Variants in ANO3 observed in about 807,000 individuals in gnomAD.
ANO3 encodes the protein anoctamin 3, also known as anoctamin-3.
In ANO3, 99 loss-of-function variants were observed where a neutral mutation model predicts 144.8. The observed-to-expected ratio is 0.68, with a 90% CI of 0.58 to 0.81. ANO3 has a LOEUF of 0.81. Ranked by LOEUF, ANO3 falls within the 30% of genes least tolerant of loss-of-function variation. The probability of loss-of-function intolerance (pLI) is 0.00; values close to 1 mark genes in which losing one functional copy is unlikely to be tolerated. For synonymous variants in ANO3, 414 were observed against 392.6 expected (o/e 1.05, Z -0.64); for missense variants, 905 against 1,202.2 (o/e 0.75, Z 3.66).
chr11:26,365,493 C>A lies in ANO3; in HGVS notation c.46+33172C>A, dbSNP rs193108324. 4.6e-5 allele frequency among the ~76,000 whole-genome samples: 7 copies of A among 152,366 alleles called. No homozygotes were observed. In the East Asian group the frequency reaches 1.4e-3, roughly 29 times the overall value. Reference sequence around the variant, plus strand: ...CTCTGTGAGGGCTCCACCCCTGCAGCAGGCTTCTGCCTGGATATCCATCCT... The same window carrying A: ...CTCTGTGAGGGCTCCACCCCTGCAGAAGGCTTCTGCCTGGATATCCATCCT... On this transcript the variant is annotated intron_variant, in intron 1 of 26. Coordinates refer to ENST00000256737, the MANE Select transcript of ANO3 (RefSeq NM_031418.4).
chr11:26,497,474 G>A (rs1861010068), intron 4 of ANO3, among the ~76,000 whole-genome samples: 1 of 152,044 alleles, frequency 6.6e-6, no homozygotes, highest in Admixed American at 6.6e-5. Flanking sequence ...ACCACAATGA[G>A]ATACTATCTT....
rs188106664 is a variant in ANO3 at position 26,316,717 on chromosome 11, G to A, written c.-3+6998G>A. ...TGAACAGGTGCCCCCTCATGTGTCC[G>A]TTTATAGACTCTCCACAAGGGTCGC... On this transcript the variant is annotated intron_variant, in intron 1 of 26. Transcript: ENST00000525139. 1.3e-4 allele frequency among the ~76,000 whole-genome samples: 20 copies of A among 152,206 alleles called. No homozygotes were observed. In the Middle Eastern group the frequency reaches 0.01, roughly 78 times the overall value.
At chr11:26,447,307 A>C (rs1276494768) in intron 3 of ANO3, among the ~76,000 whole-genome samples, 1 of 151,634 alleles carries the variant, frequency 6.6e-6, no homozygotes, top group African/African-American at 2.4e-5. Context: ...ATTATTATAC[A>C]CTTTACCTGT....
intron 5 of ANO3, among the ~76,000 whole-genome samples, chr11:26,512,216 T>C (rs1861691686): frequency 6.6e-6 from 1 of 152,220 alleles, no homozygotes; most frequent in Non-Finnish European, 1.5e-5. Flanking sequence ...TTCCACCCTG[T>C]GCTAACAATT....
intron 5 of ANO3, among the ~76,000 whole-genome samples, chr11:26,510,005 G>A (rs942334323): frequency 5.9e-5 from 9 of 151,554 alleles, no homozygotes; most frequent in Admixed American, 1.3e-4. Context: ...GTGGTGGCGC[G>A]TTCCTGTAGT....
In ANO3 at chr11:26,534,576, T is replaced by C. The variant is rs1345374946; in HGVS notation, c.976+14T>C. The C allele has an allele frequency of 6.4e-7, 1 of 1,553,926 alleles. No homozygotes were observed. The highest frequency in any genetic ancestry group is 8.9e-7 in the Non-Finnish European group (1 of 1,126,658). ...TATCAAAAGTGGGTAAGAACATTAA[T>C]TAATAACAGAGTAGAACTTGCTGTT... On this transcript the variant is annotated intron_variant, in intron 9 of 26. Transcript: ENST00000256737.
intron 14 of ANO3, among the ~76,000 whole-genome samples, chr11:26,595,653 T>C (rs1422766068): frequency 6.6e-6 from 1 of 151,992 alleles, no homozygotes; most frequent in African/African-American, 2.4e-5. Context: ...CCATCTGTCG[T>C]CCTGAAGGGA....
chr11:26,519,018 A>G (rs1219555352), intron 6 of ANO3, among the ~76,000 whole-genome samples: 2 of 152,262 alleles, frequency 1.3e-5, no homozygotes, highest in East Asian at 1.9e-4. Flanking sequence ...CTGTTTTCTA[A>G]TATCAGGACA....
At chr11:26,356,240 G>A (rs1158356443) in intron 1 of ANO3, among the ~76,000 whole-genome samples, 1 of 151,764 alleles carries the variant, frequency 6.6e-6, no homozygotes, top group Non-Finnish European at 1.5e-5. Context: ...AAGTAATTTA[G>A]ATTATTGAGC....
intron 1 of ANO3, among the ~76,000 whole-genome samples, chr11:26,332,783 G>A (rs1445329503): frequency 6.6e-6 from 1 of 152,112 alleles, no homozygotes; most frequent in Non-Finnish European, 1.5e-5. Context: ...GAGTTCCAGA[G>A]TTGGCCTGTT....
Position 26,463,077 on chromosome 11 carries a change from T to C in ANO3, c.361T>C (p.Tyr121His), listed in dbSNP as rs2134057463. 1 of 1,598,954 alleles carries C rather than the reference T, an allele frequency of 6.3e-7. No individual in the cohort carries two copies. Among genetic ancestry groups the C allele is most frequent in the Admixed American group, 1.7e-5 (1 of 57,848 alleles). The change falls in exon 4 of 27, where the codon TAT becomes CAT. Residue 121 changes from tyrosine to histidine, a missense_variant. Tyr to His is a moderately conservative substitution (Grantham distance 83, BLOSUM62 2). Around this residue, in one of 4 missense-constraint regions of ANO3, gnomAD observed 174 missense variants for 171.9 expected, o/e 1.01. Transcript: ENST00000256737. ...DYTDESEHAT[Y>H]DRSRLINDFV... ...CACGGATGAATCAGAACACGCTACTTATGACCGATCTCGTCTCATTAATGA... is the reference window on the plus strand; with the variant it reads ...CACGGATGAATCAGAACACGCTACTCATGACCGATCTCGTCTCATTAATGA...
At chr11:26,551,491 T>C (rs1849932208) in intron 12 of ANO3, among the ~76,000 whole-genome samples, 1 of 151,998 alleles carries the variant, frequency 6.6e-6, no homozygotes, top group Admixed American at 6.6e-5. Flanking sequence ...TGTATCAAGT[T>C]GAATGTTGAG....
intron 21 of ANO3, among the ~76,000 whole-genome samples, chr11:26,641,531 G>C (rs1225637129): frequency 6.6e-6 from 1 of 152,064 alleles, no homozygotes; most frequent in Non-Finnish European, 1.5e-5. Context: ...CTATAGGTGG[G>C]GAGAGGGGAA....
intron 1 of ANO3, among the ~76,000 whole-genome samples, chr11:26,304,087 A>G (rs1182375632): frequency 1.3e-5 from 2 of 152,074 alleles, no homozygotes; most frequent in African/African-American, 4.8e-5. Flanking sequence ...CTTTTATAAT[A>G]TGTTGATTGA....
intron 1 of ANO3, among the ~76,000 whole-genome samples, chr11:26,434,505 T>G (rs1858228442): frequency 6.6e-6 from 1 of 152,200 alleles, no homozygotes; most frequent in South Asian, 2.1e-4. Context: ...CTAGTTCTTT[T>G]AGTTGTGATG....
At chr11:26,398,722 G>A (rs1052023480) in intron 1 of ANO3, among the ~76,000 whole-genome samples, 41 of 151,988 alleles carry the variant, frequency 2.7e-4, no homozygotes, top group Admixed American at 2.4e-3. Flanking sequence ...GAACTTCCTC[G>A]TGGAGGCAGG....
At chr11:26,631,339 T>C (rs1443664654) in intron 18 of ANO3, among the ~76,000 whole-genome samples, 1 of 152,044 alleles carries the variant, frequency 6.6e-6, no homozygotes, top group Non-Finnish European at 1.5e-5. Flanking sequence ...TTGTAGCTTC[T>C]TTGAAGGAAA....
intron 3 of ANO3, among the ~76,000 whole-genome samples, chr11:26,448,685 C>T (rs1207918922): frequency 1.3e-5 from 2 of 152,108 alleles, no homozygotes; most frequent in East Asian, 1.9e-4. Flanking sequence ...TCCTAAGCTA[C>T]TTAAGATTAC....
At chr11:26,193,590 T>C (rs1265752976) in intron 1 of ANO3, among the ~76,000 whole-genome samples, 1 of 152,218 alleles carries the variant, frequency 6.6e-6, no homozygotes, top group African/African-American at 2.4e-5. Flanking sequence ...AATATACTTA[T>C]TTATAGTCTC....
Sources: gnomAD v4.1 joint callset for allele counts (sites outside exome capture counted in the v4.1 genomes callset) on GRCh38, gnomAD v4.1.1 for gene constraint, gnomAD v4.1.1 regional missense constraint, MANE v1.5 for transcripts, NCBI Gene and HGNC (gene_info 2026-07-23, HGNC 2026-07-21) for gene names.